LY6K: variants seen among roughly 807,000 people sequenced by gnomAD.
The protein encoded by LY6K is lymphocyte antigen 6 family member K.
A neutral mutation model predicts 10.4 loss-of-function variants in LY6K; 9 were observed. The ratio of observed to expected loss-of-function variants is 0.87; its 90% CI spans 0.52 to 1.52. The LOEUF (loss-of-function observed/expected upper bound fraction) is 1.52, where lower values mean the gene tolerates loss of function less well. LY6K is among the 40% of genes most tolerant of loss of function. The pLI, the probability that LY6K is intolerant of heterozygous loss-of-function variation, is 0.00. For synonymous variants in LY6K, 98 were observed against 83.7 expected, an observed-to-expected ratio of 1.17 and a Z score of -0.94; for missense variants, 217 against 211.7, an observed-to-expected ratio of 1.02 and a Z score of -0.15.
intron 2 of LY6K, chr8:142,702,864 C>T: frequency 1.9e-6 from 3 of 1,541,820 alleles, no homozygotes; most frequent in Non-Finnish European, 2.6e-6. Context: ...ACCCGCATTC[C>T]CAGTGCATAT....
In LY6K at chr8:142,700,328, G is replaced by A. The variant is rs782483384; in HGVS notation, c.-200G>A. On this transcript the variant is annotated 5_prime_UTR_variant, in exon 1 of 3. Transcript: ENST00000292430. ...GCGGGACTCAGAACCGGCGTTCAGG[G>A]CCGCCAGCGGCCGCGAGGCCCTGAG... The A allele has an allele frequency of 2.3e-6, 3 of 1,303,732 alleles. No homozygotes were observed. The highest frequency in any genetic ancestry group is 4.0e-5 in the South Asian group (2 of 49,762). 80.8% of individuals were successfully genotyped at this position (1,303,732 alleles called of 1,614,324 possible). A position where few individuals can be genotyped will look rare whatever the true frequency, so the allele number is the denominator to read the frequency against.
Position 142,701,672 on chromosome 8 carries a change from G to C in LY6K, c.176G>C (p.Arg59Thr). The C allele has an allele frequency of 6.2e-7, 1 of 1,614,044 alleles. No individual in the cohort carries two copies. Among genetic ancestry groups the C allele is most frequent in the Non-Finnish European group, 8.5e-7 (1 of 1,179,944 alleles). Residue 59 changes from arginine to threonine, a missense_variant, in exon 2 of 3, where the codon AGG becomes ACG. Transcript: ENST00000292430. ...ENTFECQNPRRCKWTEPYCVI... is the reference protein window; with the variant it reads ...ENTFECQNPRTCKWTEPYCVI... ...ACTTTCGAGTGCCAGAACCCAAGGA[G>C]GTGCAAATGGACAGAGCCATACTGC... is the stretch of plus-strand genomic sequence containing the variant.
rs1554640158 is a variant in LY6K at position 142,701,684 on chromosome 8, C to T, written c.188C>T (p.Thr63Ile). Residue 63 changes from threonine (T) to isoleucine (I), a missense_variant, in exon 2 of 3, where the codon ACA becomes ATA. By Grantham distance (89) the Thr-to-Ile change is moderately conservative. Coordinates refer to ENST00000292430, the MANE Select transcript of LY6K (RefSeq NM_017527.4). ...ECQNPRRCKW[T>I]EPYCVIAAVK... The stretch of plus-strand genomic sequence containing the variant: ...CAGAACCCAAGGAGGTGCAAATGGA[C>T]AGAGCCATACTGCGTTATAGCGGCC... 6.2e-7 allele frequency: 1 copy of T among 1,613,702 alleles called. No individual in the cohort carries two copies. The highest frequency in any genetic ancestry group is 1.1e-5 in the South Asian group (1 of 91,048).
Position 142,700,404 on chromosome 8 carries a change from C to G in LY6K, c.-124C>G, listed in dbSNP as rs587753727. On this transcript the variant is annotated 5_prime_UTR_variant, in exon 1 of 3. Coordinates refer to ENST00000292430, the MANE Select transcript of LY6K (RefSeq NM_017527.4). ...CCCCGGCGGGTGGGAGGCGCGCGCC[C>G]CGGGGCGGGCGGGGCTCCCCCTACC... 7.4e-7 allele frequency: 1 copy of G among 1,350,168 alleles called. No homozygotes were observed. Among genetic ancestry groups the G allele is most frequent in the Admixed American group, 4.1e-5 (1 of 24,618 alleles). The allele number at this position is 1,350,168 out of a possible 1,614,324, so 83.6% of individuals were successfully genotyped here.
rs782374804 is a variant in LY6K, at chr8:142,700,490, C to T, written c.-38C>T. On this transcript the variant is annotated 5_prime_UTR_variant, in exon 1 of 3. Coordinates refer to ENST00000292430, the MANE Select transcript of LY6K (RefSeq NM_017527.4). ...AGGTTCCAGAAGGGCGGGGAGGGGG[C>T]GCCGCGCGCTGACCCTCCCTGGGCA... is the stretch of plus-strand genomic sequence containing the variant. 2.6e-6 allele frequency: 4 copies of T among 1,542,858 alleles called. No homozygotes were observed. Among genetic ancestry groups the T allele is most frequent in the South Asian group, 1.2e-5 (1 of 83,258 alleles).
Position 142,703,424 on chromosome 8 carries a change from C to A in LY6K, c.*53C>A. Reference sequence around the variant, plus strand: ...TCCGGAGCATGGACTCGCTCCAGACCGTTGTCACCTGTTGCATTAAACTTG... The same window carrying A: ...TCCGGAGCATGGACTCGCTCCAGACAGTTGTCACCTGTTGCATTAAACTTG... On this transcript the variant is annotated 3_prime_UTR_variant, in exon 3 of 3. Coordinates refer to ENST00000292430, the MANE Select transcript of LY6K (RefSeq NM_017527.4). The A allele has an allele frequency of 3.9e-6, 6 of 1,551,594 alleles. No individual in the cohort carries two copies. The highest frequency in any genetic ancestry group is 1.2e-5 in the South Asian group (1 of 83,080).
At chr8:142,700,685 G>T in intron 1 of LY6K, 55 bp downstream of exon 1, 1 of 1,388,610 alleles carries the variant, frequency 7.2e-7, no homozygotes. Flanking sequence ...GCCGGGCGGC[G>T]TCTGCCTGGC....
rs1815106798 is a variant in LY6K at position 142,703,111 on chromosome 8, ATGGTTGCGAAGCAGTGCTCCGC to A, written c.245_266del (p.Ala82ValfsTer35). On this transcript the variant is annotated frameshift_variant, in exon 3 of 3. Coordinates refer to ENST00000292430, the MANE Select transcript of LY6K (RefSeq NM_017527.4). LOFTEE classifies it low-confidence loss of function (END_TRUNC). ...ATTAGAAATATTTCCACGTTTTTTC[ATGGTTGCGAAGCAGTGCTCCGC>A]TGGTTGTGCAGCGATGGAGAGACCC... The A allele has an allele frequency of 6.2e-7, 1 of 1,613,006 alleles. No homozygotes were observed. Among genetic ancestry groups the A allele is most frequent in the Admixed American group, 1.7e-5 (1 of 59,772 alleles).
Position 142,700,422 on chromosome 8 carries a change from C to T in LY6K, c.-106C>T, listed in dbSNP as rs782065877. 44 of 1,379,568 alleles carry T rather than the reference C, an allele frequency of 3.2e-5. No individual in the cohort carries two copies. Among genetic ancestry groups the T allele is most frequent in the Non-Finnish European group, 5.6e-6 (6 of 1,068,260 alleles). The allele number at this position is 1,379,568 out of a possible 1,614,324, so 85.5% of individuals were successfully genotyped here. Reference sequence around the variant, plus strand: ...GCGCGCCCCGGGGCGGGCGGGGCTCCCCCTACCGGCCAGACCCGGGGAGAG... The same window carrying T: ...GCGCGCCCCGGGGCGGGCGGGGCTCTCCCTACCGGCCAGACCCGGGGAGAG... On this transcript the variant is annotated 5_prime_UTR_variant, in exon 1 of 3. Coordinates refer to ENST00000292430, the MANE Select transcript of LY6K (RefSeq NM_017527.4).
Position 142,700,307 on chromosome 8 carries a change from G to A in LY6K, c.-221G>A, listed in dbSNP as rs1587556957. 4 of 1,284,154 alleles carry A rather than the reference G, an allele frequency of 3.1e-6. No homozygotes were observed. The East Asian group carries it at 1.4e-4, about 44-fold the overall frequency. The allele number at this position is 1,284,154 out of a possible 1,614,324, so 79.5% of individuals were successfully genotyped here. A position where few individuals can be genotyped will look rare whatever the true frequency, so the allele number is the denominator to read the frequency against. ...CCGCTCCAACAGCAGCACAAGGCGG[G>A]ACTCAGAACCGGCGTTCAGGGCCGC... On this transcript the variant is annotated 5_prime_UTR_variant, in exon 1 of 3. Transcript: ENST00000292430.
intron 2 of LY6K, chr8:142,702,275 G>T: frequency 1.8e-6 from 1 of 551,690 alleles, no homozygotes. Flanking sequence ...GAAAAATTAA[G>T]CTTTAATAGT....
At chr8:142,702,520 A>C (rs1554640325) in intron 2 of LY6K, 2 of 1,535,682 alleles carry the variant, frequency 1.3e-6, no homozygotes, top group Non-Finnish European at 1.7e-6. Flanking sequence ...AGGGCTCGTG[A>C]ATTCTGATTC....
At chr8:142,702,401 G>A (rs1587562936) in intron 2 of LY6K, 2 of 1,250,190 alleles carry the variant, frequency 1.6e-6, no homozygotes, top group Non-Finnish European at 2.2e-6. Context: ...AAAAATTGTG[G>A]AGACCACTGC....
At chr8:142,702,016 C>T in intron 2 of LY6K, 1 of 310,980 alleles carries the variant, frequency 3.2e-6, no homozygotes, top group Non-Finnish European at 6.0e-6. Context: ...CCATGTTGGT[C>T]AGGCTGGTCT....
At chr8:142,701,579 C>G in intron 1 of LY6K, 21 bp from the exon 2 acceptor site, 1 of 1,527,370 alleles carries the variant, frequency 6.5e-7, no homozygotes, top group Non-Finnish European at 9.1e-7. Context: ...ATTCTGCTTT[C>G]TTTTTTATTC....
rs1554640455 is a variant in LY6K at position 142,703,213 on chromosome 8, A to C, written c.340A>C (p.Lys114Gln). The C allele has an allele frequency of 6.2e-7, 1 of 1,614,128 alleles. No individual in the cohort carries two copies. The highest frequency in any genetic ancestry group is 1.7e-5 in the Admixed American group (1 of 60,016). ...AGAGCCCATGCCCTTCTTTTACCTCAAGTGTTGTAAAATTCGCTACTGCAA... is the reference window on the plus strand; with the variant it reads ...AGAGCCCATGCCCTTCTTTTACCTCCAGTGTTGTAAAATTCGCTACTGCAA... ...LEEPMPFFYL[K>Q]CCKIRYCNLE... is the part of the protein sequence containing the mutation. Residue 114 changes from lysine to glutamine, a missense_variant, in exon 3 of 3, where the codon AAG (lysine) becomes CAG (glutamine). Coordinates refer to ENST00000292430, the MANE Select transcript of LY6K (RefSeq NM_017527.4).
intron 2 of LY6K, chr8:142,702,197 C>T (rs2129931222): frequency 4.4e-6 from 2 of 450,286 alleles, no homozygotes; most frequent in Middle Eastern, 6.3e-4. Flanking sequence ...GTGCCTGCTA[C>T]AGTGGGTCCA....
In LY6K at chr8:142,700,635, G is replaced by C; in HGVS notation, c.103+5G>C. The C allele has an allele frequency of 6.6e-7, 1 of 1,522,052 alleles. No individual in the cohort carries two copies. Among genetic ancestry groups the C allele is most frequent in the Non-Finnish European group, 8.8e-7 (1 of 1,134,598 alleles). 94.3% of individuals were successfully genotyped at this position (1,522,052 alleles called of 1,614,324 possible). ...CAGAGGACTCCCAGCGAACGGGTGA[G>C]CCTGGCTCGCCCTCCACAGCCACGG... On this transcript the variant is annotated splice_donor_5th_base_variant and intron_variant, in intron 1 of 2. Transcript: ENST00000292430.
rs782094595 is a variant in LY6K, at chr8:142,701,726, G to A, written c.217+13G>A. 5.7e-6 allele frequency: 9 copies of A among 1,574,300 alleles called. No homozygotes were observed. The highest frequency in any genetic ancestry group is 2.2e-5 in the South Asian group (2 of 89,618). Reference sequence around the variant, plus strand: ...ATAGCGGCCGTGAGTGAGTATCTTCGCTCTTGTTGGGGACCCAAAGGCAGG... The same window carrying A: ...ATAGCGGCCGTGAGTGAGTATCTTCACTCTTGTTGGGGACCCAAAGGCAGG... On this transcript the variant is annotated intron_variant, in intron 2 of 2. Coordinates refer to ENST00000292430, the MANE Select transcript of LY6K (RefSeq NM_017527.4).
Sources: allele counts gnomAD v4.1 joint callset, GRCh38; gene constraint gnomAD v4.1.1; transcripts MANE v1.5; gene names NCBI Gene and HGNC (gene_info 2026-07-23, HGNC 2026-07-21).